SIAH1: variants seen among roughly 807,000 people sequenced by gnomAD.
SIAH1 encodes siah E3 ubiquitin protein ligase 1, also known as E3 ubiquitin-protein ligase SIAH1.
SIAH1 carries 2 observed loss-of-function variants against 20.0 expected under a neutral mutation model. That is an observed-to-expected ratio of 0.10 (90% CI 0.04 to 0.31). The LOEUF (loss-of-function observed/expected upper bound fraction) is 0.31, where lower values mean the gene tolerates loss of function less well. SIAH1 is among the 10% of genes least tolerant of loss of function. The pLI is 1.00. For missense variants in SIAH1, 119 were observed against 355.3 expected (o/e 0.33, Z 5.35); for synonymous variants, 118 against 125.3 (o/e 0.94, Z 0.39).
chr16:48,361,672 T>G lies in SIAH1; in HGVS notation c.757A>C (p.Asn253His), dbSNP rs1567366111. The G allele has an allele frequency of 6.2e-7, 1 of 1,613,312 alleles. No homozygotes were observed. Residue 253 changes from asparagine (N) to histidine (H), a missense_variant, in exon 2 of 2, where the codon AAT becomes CAT. By Grantham distance (68) the Asn-to-His change is moderately conservative (BLOSUM62 1). Coordinates refer to ENST00000394725, the MANE Select transcript of SIAH1 (RefSeq NM_003031.4). ...GTGTCAAAGACTAGACAGTCGCTATTCATAATGGCTGTTGCAATTCCTTCA... is the reference window on the plus strand; with the variant it reads ...GTGTCAAAGACTAGACAGTCGCTATGCATAATGGCTGTTGCAATTCCTTCA... ...IHEGIATAIM[N>H]SDCLVFDTSI...
chr16:48,374,550 T>C (rs1961057449), intron 1 of SIAH1, among the ~76,000 whole-genome samples: 1 of 152,120 alleles, frequency 6.6e-6, no homozygotes, highest in Non-Finnish European at 1.5e-5. Flanking sequence ...AGAACGGGGT[T>C]ACAATAAACA....
chr16:48,365,875 C>G, intron 1 of SIAH1: 1 of 1,242,116 alleles, frequency 8.1e-7, no homozygotes, highest in Non-Finnish European at 1.0e-6. Flanking sequence ...TGAGCCAGCT[C>G]AAGAGTTACT....
intron 1 of SIAH1, chr16:48,365,366 C>T (rs753584323): frequency 3.1e-6 from 5 of 1,613,406 alleles, no homozygotes; most frequent in Non-Finnish European, 3.4e-6. Flanking sequence ...CCTCAGCAAA[C>T]CATCCTCTTA....
intron 1 of SIAH1, among the ~76,000 whole-genome samples, chr16:48,368,594 AG>A (rs558206701): frequency 2.3e-4 from 35 of 152,174 alleles, no homozygotes; most frequent in Middle Eastern, 3.4e-3. Flanking sequence ...GCTACTTGGG[AG>A]GCTGAGGCAG....
Position 48,379,540 on chromosome 16 carries a change from A to G in SIAH1, c.-3+5664T>C, listed in dbSNP as rs2151054067. Among the ~76,000 whole-genome samples the G allele has an allele frequency of 2.0e-5, 3 of 152,324 alleles. 1 individual carries two copies. The Middle Eastern group carries it at 0.01, about 518-fold the overall frequency. On this transcript the variant is annotated intron_variant, in intron 1 of 1. Transcript: ENST00000394725. ...AACGAAAAGGCTAGAAGAGTTTAAT[A>G]AGGACAGTGTGGAGTCAGTCGCTCA...
rs1442630981 is a variant in SIAH1 at position 48,362,339 on chromosome 16, T to G, written c.90A>C (p.Ala30=). ...AAAGACTCGCCAAGTCATTGTTGGATGCAGTTGTGCCAGTCAGGGCAGGCA... is the reference window on the plus strand; with the variant it reads ...AAAGACTCGCCAAGTCATTGTTGGAGGCAGTTGTGCCAGTCAGGGCAGGCA... ...QRVPALTGTT[A]SNNDLASLFE... The change falls in exon 2 of 2, where the codon GCA becomes GCC. Residue 30 remains alanine (A), a synonymous_variant. Transcript: ENST00000394725. This position sits in a 1 kb window ranked among gnomAD's most constrained non-coding sequence, Gnocchi z 4.2. 1 of 1,614,194 alleles carries G rather than the reference T, an allele frequency of 6.2e-7. No homozygotes were observed. Among genetic ancestry groups the G allele is most frequent in the East Asian group, 2.2e-5 (1 of 44,872 alleles).
At chr16:48,375,172 G>T (rs1171097306) in intron 1 of SIAH1, among the ~76,000 whole-genome samples, 2 of 152,142 alleles carry the variant, frequency 1.3e-5, no homozygotes, top group African/African-American at 4.8e-5. Flanking sequence ...TGTTGGCAAA[G>T]GAGTGAGTGT....
At chr16:48,384,928 G>A (rs1291224873) in intron 1 of SIAH1, among the ~76,000 whole-genome samples, 2 of 144,536 alleles carry the variant, frequency 1.4e-5, no homozygotes, top group Non-Finnish European at 3.1e-5. Flanking sequence ...CCTCGGCCCG[G>A]CCGCGCGGGG....
At chr16:48,376,417 A>G (rs923548030) in intron 1 of SIAH1, among the ~76,000 whole-genome samples, 3 of 152,204 alleles carry the variant, frequency 2.0e-5, no homozygotes, top group Admixed American at 6.5e-5. Context: ...GGATACTTAC[A>G]GGAAACTTAA....
At chr16:48,377,390 C>CTT (rs774317002) in intron 1 of SIAH1, among the ~76,000 whole-genome samples, 6,554 of 132,054 alleles carry the variant, frequency 0.05, 234 homozygotes, top group Middle Eastern at 0.15. Context: ...TTCTGGAAGA[C>CTT]TTTTTTTTTT....
intron 1 of SIAH1, among the ~76,000 whole-genome samples, chr16:48,380,234 G>T (rs890149935): frequency 6.6e-5 from 10 of 152,204 alleles, no homozygotes; most frequent in South Asian, 2.1e-4. Context: ...TTGAGGCCAG[G>T]AGTTCACCAG....
chr16:48,366,002 G>A (rs1198450088), intron 1 of SIAH1: 3 of 850,448 alleles, frequency 3.5e-6, no homozygotes, highest in Non-Finnish European at 4.5e-6. Flanking sequence ...CGGCGCACAG[G>A]GCGATGCCCG....
At chr16:48,368,567 G>A (rs557574613) in intron 1 of SIAH1, among the ~76,000 whole-genome samples, 11 of 152,178 alleles carry the variant, frequency 7.2e-5, no homozygotes, top group African/African-American at 2.4e-4. Flanking sequence ...GCATGGTGGC[G>A]TGTGCCTGTA....
chr16:48,369,808 G>A (rs1960937285), intron 1 of SIAH1, among the ~76,000 whole-genome samples: 1 of 152,118 alleles, frequency 6.6e-6, no homozygotes, highest in African/African-American at 2.4e-5. Flanking sequence ...TTCCCACTAG[G>A]CACAATAAAG....
At chr16:48,377,671 C>T (rs1034861051) in intron 1 of SIAH1, among the ~76,000 whole-genome samples, 8 of 151,538 alleles carry the variant, frequency 5.3e-5, no homozygotes, top group Admixed American at 2.0e-4. Context: ...GCTGGGATTA[C>T]AGGCGTGAGC....
At chr16:48,381,839 T>G (rs1359153437) in intron 1 of SIAH1, among the ~76,000 whole-genome samples, 1 of 152,168 alleles carries the variant, frequency 6.6e-6, no homozygotes. Flanking sequence ...ACCCATAAAA[T>G]GTACGCCACT....
Position 48,362,177 on chromosome 16 carries a change from G to A in SIAH1, c.252C>T (p.Asn84=). Residue 84 remains asparagine (N), a synonymous_variant, in exon 2 of 2, where the codon AAC becomes AAT. Coordinates refer to ENST00000394725, the MANE Select transcript of SIAH1 (RefSeq NM_003031.4). The surrounding 1 kb of genome is among the most constrained non-coding windows in gnomAD (Gnocchi z 4.2). ...TCRGPLGSIR[N]LAMEKVANSV... is the part of the protein sequence containing the mutation. ...AATTAGCCACTTTCTCCATAGCCAA[G>A]TTGCGAATGGATCCCAAAGGGCCCC... is the stretch of plus-strand genomic sequence containing the variant. 1.2e-6 allele frequency: 2 copies of A among 1,614,226 alleles called. No individual in the cohort carries two copies. The highest frequency in any genetic ancestry group is 1.7e-6 in the Non-Finnish European group (2 of 1,180,036).
chr16:48,365,518 A>AG (rs1322917737), intron 1 of SIAH1: 1 of 1,599,864 alleles, frequency 6.3e-7, no homozygotes, highest in Middle Eastern at 1.9e-4. Context: ...CAAGAAGTAA[A>AG]GGAACAGGCC....
At chr16:48,372,133 G>C (rs1185829957) in intron 1 of SIAH1, among the ~76,000 whole-genome samples, 1 of 152,008 alleles carries the variant, frequency 6.6e-6, no homozygotes, top group East Asian at 1.9e-4. Context: ...TAAAGAAACA[G>C]GGTAAAAAGT....
Sources: allele counts gnomAD v4.1 joint callset (sites outside exome capture counted in the v4.1 genomes callset), GRCh38; gene constraint gnomAD v4.1.1; non-coding constraint Gnocchi (gnomAD v3.1); transcripts MANE v1.5; gene names NCBI Gene and HGNC (gene_info 2026-07-23, HGNC 2026-07-21).